Variants in C1orf21 observed in about 807,000 individuals in gnomAD.
C1orf21 encodes chromosome 1 open reading frame 21, also known as uncharacterized protein C1orf21.
Under a neutral mutation model 18.7 loss-of-function variants are expected in C1orf21, and 3 were observed. That is an observed-to-expected ratio of 0.16 (90% CI 0.07 to 0.42). The LOEUF (loss-of-function observed/expected upper bound fraction) is 0.42, where lower values mean the gene tolerates loss of function less well. Ranked by LOEUF, C1orf21 falls within the 10% of genes least tolerant of loss-of-function variation. C1orf21 has a pLI of 0.99. For synonymous variants in C1orf21, 41 were observed against 46.4 expected, an observed-to-expected ratio of 0.88 and a Z score of 0.47; for missense variants, 104 against 143.6, an observed-to-expected ratio of 0.72 and a Z score of 1.41.
At position 184,617,105 on chromosome 1, in the gene C1orf21, A is replaced by C. The variant is rs563993773; in HGVS notation, c.328-2413A>C. Among the ~76,000 whole-genome samples, 4 of 152,334 alleles carry C rather than the reference A, an allele frequency of 2.6e-5. No individual in the cohort carries two copies. The South Asian group carries it at 6.2e-4, about 24-fold the overall frequency. ...CAATAATAGTAGCAGTAGTAGTAAT[A>C]GTAGCATTAGCTAACATTTATTGAC... On this transcript the variant is annotated intron_variant, in intron 5 of 5. Transcript: ENST00000235307.
At chr1:184,566,671 A>G (rs1659039731) in intron 3 of C1orf21, 2 of 398,756 alleles carry the variant, frequency 5.0e-6, no homozygotes, top group South Asian at 2.2e-5. Context: ...AATTTCACCC[A>G]TGTGGTAGCC....
rs186803119 is a variant in C1orf21, at chr1:184,583,210, T to C, written c.190-7529T>C. ...GGGAGATATCAAAGGGAATAAGGGA[T>C]TGGGAAGCTCGCGACAACAGCATAA... is the stretch of plus-strand genomic sequence containing the variant. On this transcript the variant is annotated intron_variant, in intron 3 of 5. Coordinates refer to ENST00000235307, the MANE Select transcript of C1orf21 (RefSeq NM_030806.4). Among the ~76,000 whole-genome samples, 1,046 of 152,242 alleles carry C rather than the reference T, an allele frequency of 6.9e-3. 19 individuals are homozygous for C. Among genetic ancestry groups the C allele is most frequent in the African/African-American group, 0.024 (1,004 of 41,522 alleles).
chr1:184,518,880 C>A (rs758235571), intron 3 of C1orf21, among the ~76,000 whole-genome samples: 62 of 151,992 alleles, frequency 4.1e-4, no homozygotes, highest in Non-Finnish European at 7.2e-4. Context: ...TCAAATGAGA[C>A]CAGGTTTTCA....
intron 1 of C1orf21, among the ~76,000 whole-genome samples, chr1:184,404,801 A>G (rs1656219003): frequency 2.0e-5 from 3 of 152,208 alleles, no homozygotes; most frequent in African/African-American, 7.2e-5. Flanking sequence ...CTTTAGTGCC[A>G]TTAAACAGTC....
intron 3 of C1orf21, among the ~76,000 whole-genome samples, chr1:184,508,241 C>G (rs998736614): frequency 4.6e-5 from 7 of 151,900 alleles, no homozygotes; most frequent in African/African-American, 1.7e-4. Context: ...GTTAGGAATC[C>G]CTTTTTTGAG....
chr1:184,439,769 A>T (rs1318214464), intron 1 of C1orf21, among the ~76,000 whole-genome samples: 1 of 152,156 alleles, frequency 6.6e-6, no homozygotes. Flanking sequence ...TGGGCAATAC[A>T]GGGAGACTCA....
At chr1:184,480,374 C>T (rs1657635664) in intron 2 of C1orf21, among the ~76,000 whole-genome samples, 1 of 152,162 alleles carries the variant, frequency 6.6e-6, no homozygotes, top group Admixed American at 6.5e-5. Flanking sequence ...TGGAGAACTT[C>T]GAATACCAAA....
intron 1 of C1orf21, among the ~76,000 whole-genome samples, chr1:184,399,200 A>C (rs552974778): frequency 8.7e-4 from 132 of 152,014 alleles, no homozygotes; most frequent in African/African-American, 3.1e-3. Flanking sequence ...TGTCTATAGG[A>C]TTCCCTGTAT....
intron 5 of C1orf21, among the ~76,000 whole-genome samples, chr1:184,607,837 A>C (rs1001064857): frequency 1.4e-4 from 21 of 152,074 alleles, no homozygotes; most frequent in African/African-American, 5.1e-4. Flanking sequence ...AGAATGATAA[A>C]AATTGTATGA....
intron 2 of C1orf21, among the ~76,000 whole-genome samples, chr1:184,506,518 CTT>C (rs1030270303): frequency 6.6e-6 from 1 of 152,136 alleles, no homozygotes; most frequent in Non-Finnish European, 1.5e-5. Context: ...TATAAACTCT[CTT>C]AGTGATAGAC....
intron 3 of C1orf21, among the ~76,000 whole-genome samples, chr1:184,548,469 C>CAGCG (rs1228307566): frequency 7.2e-6 from 1 of 138,328 alleles, no homozygotes; most frequent in African/African-American, 2.7e-5. Flanking sequence ...GGCTGGAGTG[C>CAGCG]AGCGGCGCGA....
intron 3 of C1orf21, among the ~76,000 whole-genome samples, chr1:184,565,383 G>C (rs1030071666): frequency 6.6e-6 from 1 of 152,296 alleles, no homozygotes; most frequent in Admixed American, 6.5e-5. Flanking sequence ...AGAAACTAAG[G>C]CTCTAAGAGT....
At chr1:184,557,352 C>T (rs77282995) in intron 3 of C1orf21, among the ~76,000 whole-genome samples, 9 of 152,008 alleles carry the variant, frequency 5.9e-5, no homozygotes, top group Admixed American at 1.3e-4. Flanking sequence ...ACCCATCACC[C>T]GAGCAGTGTA....
In C1orf21 at chr1:184,622,815, C is replaced by T. The variant is rs1659945043; in HGVS notation, c.*3259C>T. ...GGTTCTTCAGTCTTTGTACTGGCCC[C>T]ATCCTCTCCTCACTGTAATGTGAGG... On this transcript the variant is annotated 3_prime_UTR_variant, in exon 6 of 6. Transcript: ENST00000235307. The T allele has an allele frequency of 6.6e-6, 1 of 152,264 alleles. No homozygotes were observed. Among genetic ancestry groups the T allele is most frequent in the Non-Finnish European group, 1.5e-5 (1 of 68,084 alleles). The allele number at this position is 152,264 out of a possible 1,614,324, so 9.4% of individuals were successfully genotyped here. A position where few individuals can be genotyped will look rare whatever the true frequency, so the allele number is the denominator to read the frequency against.
chr1:184,501,237 G>A (rs1340956021), intron 2 of C1orf21, among the ~76,000 whole-genome samples: 1 of 152,104 alleles, frequency 6.6e-6, no homozygotes, highest in African/African-American at 2.4e-5. Context: ...TAAGGTCTTC[G>A]GTTCCTGTAG....
At chr1:184,555,675 C>T (rs1205291430) in intron 3 of C1orf21, among the ~76,000 whole-genome samples, 2 of 151,886 alleles carry the variant, frequency 1.3e-5, no homozygotes, top group Non-Finnish European at 2.9e-5. Flanking sequence ...TCTGGCTTTA[C>T]TCTCAGGAGC....
chr1:184,591,945 GA>G (rs1659444650), intron 4 of C1orf21, among the ~76,000 whole-genome samples: 1 of 152,224 alleles, frequency 6.6e-6, no homozygotes, highest in South Asian at 2.1e-4. Context: ...TGAGGCAGTA[GA>G]GTAAGCAGCG....
chr1:184,447,188 C>T (rs1335736462), intron 1 of C1orf21, among the ~76,000 whole-genome samples: 1 of 152,144 alleles, frequency 6.6e-6, no homozygotes, highest in African/African-American at 2.4e-5. Context: ...TTCCTCAGTC[C>T]TCTCCTAGTC....
At chr1:184,478,898 G>T (rs557603198) in intron 2 of C1orf21, among the ~76,000 whole-genome samples, 1 of 152,132 alleles carries the variant, frequency 6.6e-6, no homozygotes, top group Admixed American at 6.5e-5. Context: ...TAATGTTTAC[G>T]TGTAAATAAC....
Sources: allele counts gnomAD v4.1 joint callset (sites outside exome capture counted in the v4.1 genomes callset), GRCh38; gene constraint gnomAD v4.1.1; transcripts MANE v1.5; gene names NCBI Gene and HGNC (gene_info 2026-07-23, HGNC 2026-07-21).